VAMP3: variants seen among roughly 807,000 people sequenced by gnomAD.
The protein encoded by VAMP3 is vesicle-associated membrane protein 3.
In VAMP3, 11 loss-of-function variants were observed where a neutral mutation model predicts 18.1. That is an observed-to-expected ratio of 0.61 (90% confidence interval 0.38 to 1.00). VAMP3 has a LOEUF of 1.00. VAMP3 is among the 50% of genes least tolerant of loss of function. VAMP3 has a pLI of 0.01. For missense variants in VAMP3, 122 were observed against 127.3 expected (o/e 0.96, Z 0.20); for synonymous variants, 49 against 43.1 (o/e 1.14, Z -0.53).
At chr1:7,772,747 GGC>G (rs1347670238) in intron 1 of VAMP3, 1 of 152,420 alleles carries the variant, frequency 6.6e-6, no homozygotes, top group African/African-American at 2.4e-5. Flanking sequence ...AAATTAGCCG[GGC>G]GTGGTGGCAC....
Position 7,771,335 on chromosome 1 carries a change from T to A in VAMP3, c.-49T>A. 1.3e-6 allele frequency: 2 copies of A among 1,594,226 alleles called. No individual in the cohort carries two copies. The highest frequency in any genetic ancestry group is 8.5e-7 in the Non-Finnish European group (1 of 1,172,932). On this transcript the variant is annotated 5_prime_UTR_variant, in exon 1 of 5. Transcript: ENST00000054666. ...CCTGGCCTCCGGTCCCAACTTCGCT[T>A]CTCTGCTGACCCTCTCTCGTCGCCG...
At chr1:7,773,987 A>G (rs1268070990) in intron 2 of VAMP3, among the ~76,000 whole-genome samples, 1 of 152,202 alleles carries the variant, frequency 6.6e-6, no homozygotes, top group Non-Finnish European at 1.5e-5. Context: ...GACACACACA[A>G]AGTAGATACT....
At chr1:7,773,763 T>G (rs2097052646) in intron 2 of VAMP3, among the ~76,000 whole-genome samples, 1 of 152,230 alleles carries the variant, frequency 6.6e-6, no homozygotes, top group African/African-American at 2.4e-5. Context: ...TAAAAAATCA[T>G]ATGCCTAAAA....
chr1:7,777,336 G>T lies in VAMP3; in HGVS notation c.231+18G>T. On this transcript the variant is annotated intron_variant, in intron 3 of 4. Coordinates refer to ENST00000054666, the MANE Select transcript of VAMP3 (RefSeq NM_004781.4). ...ATTGCAAGGTAATTATCTTTTAACT[G>T]ACCTTTACATTTAACCCCCCTTCTC... is the stretch of plus-strand genomic sequence containing the variant. 6.2e-7 allele frequency: 1 copy of T among 1,603,064 alleles called. No individual in the cohort carries two copies. Among genetic ancestry groups the T allele is most frequent in the South Asian group, 1.1e-5 (1 of 89,430 alleles).
At position 7,778,154 on chromosome 1, in the gene VAMP3, A is replaced by T. The variant is rs950046548; in HGVS notation, c.268A>T (p.Ile90Phe). ...CGGGATTACTGTTCTGGTTATCTTCATCATCATCATCATCGGTGAGTTACC... is the reference window on the plus strand; with the variant it reads ...CGGGATTACTGTTCTGGTTATCTTCTTCATCATCATCATCGGTGAGTTACC... ...AIGITVLVIF[I>F]IIIIVWVVSS is the part of the protein sequence containing the mutation. The change falls in exon 4 of 5, where the codon ATC (isoleucine) becomes TTC (phenylalanine). Residue 90 changes from isoleucine to phenylalanine, a missense_variant. Coordinates refer to ENST00000054666, the MANE Select transcript of VAMP3 (RefSeq NM_004781.4). 17 of 1,604,796 alleles carry T rather than the reference A, an allele frequency of 1.1e-5. No individual in the cohort carries two copies. The South Asian group carries it at 1.9e-4, about 18-fold the overall frequency.
At chr1:7,776,974 T>G in intron 2 of VAMP3, 186 bp from the exon 3 acceptor site, 5 of 467,566 alleles carry the variant, frequency 1.1e-5, no homozygotes, top group Non-Finnish European at 1.1e-5. Context: ...TCCCGGCTGA[T>G]TTTCTTATGT....
Position 7,779,644 on chromosome 1 carries a change from G to A in VAMP3, c.302G>A (p.Ter101=). 1 of 1,614,114 alleles carries A rather than the reference G, an allele frequency of 6.2e-7. No individual in the cohort carries two copies. The highest frequency in any genetic ancestry group is 8.5e-7 in the Non-Finnish European group (1 of 1,180,006). Residue 101 remains the stop codon, a stop_retained_variant, in exon 5 of 5, where the codon TGA becomes TAA. Transcript: ENST00000054666. The part of the protein sequence containing the change: ...IIIIVWVVSS[*] ...TTCTTAGTGTGGGTTGTCTCTTCAT[G>A]AAGAACCAGCGGAACTCAAAACTGC...
chr1:7,771,421 C>T (rs773663398), intron 1 of VAMP3, 36 bp downstream of exon 1: 1 of 1,544,188 alleles, frequency 6.5e-7, no homozygotes, highest in Non-Finnish European at 8.7e-7. Flanking sequence ...GGCTTCGGGC[C>T]CCGCAGGCGG....
intron 2 of VAMP3, among the ~76,000 whole-genome samples, chr1:7,774,735 C>T (rs142926931): frequency 1.1e-3 from 173 of 152,262 alleles, no homozygotes; most frequent in Non-Finnish European, 2.1e-3. Context: ...CGTGTTGTAC[C>T]GTGTTCCTTT....
At chr1:7,776,034 G>T (rs1000310433) in intron 2 of VAMP3, among the ~76,000 whole-genome samples, 1 of 152,182 alleles carries the variant, frequency 6.6e-6, no homozygotes, top group Non-Finnish European at 1.5e-5. Context: ...CTATATGTTT[G>T]TCCTTATGCC....
chr1:7,771,354 G>C lies in VAMP3; in HGVS notation c.-30G>C, dbSNP rs756427638. 26 of 1,591,932 alleles carry C rather than the reference G, an allele frequency of 1.6e-5. No homozygotes were observed. The highest frequency in any genetic ancestry group is 9.5e-5 in the East Asian group (4 of 42,296). ...TTCGCTTCTCTGCTGACCCTCTCTC[G>C]TCGCCGCTGCCGCCGCCGCAGCTGC... On this transcript the variant is annotated 5_prime_UTR_variant, in exon 1 of 5. Coordinates refer to ENST00000054666, the MANE Select transcript of VAMP3 (RefSeq NM_004781.4).
In VAMP3 at chr1:7,781,022, CTT is replaced by C. The variant is rs2097056852; in HGVS notation, c.*1379_*1380del. ...AGGCACTGAGGGAGAAAGACACAGA[CTT>C]TATCGCTCTGTGGCTCATTGTTACT... On this transcript the variant is annotated 3_prime_UTR_variant, in exon 5 of 5. Coordinates refer to ENST00000054666, the MANE Select transcript of VAMP3 (RefSeq NM_004781.4). 1 of 152,814 alleles carries C rather than the reference CTT, an allele frequency of 6.5e-6. No homozygotes were observed. Among genetic ancestry groups the C allele is most frequent in the Admixed American group, 6.5e-5 (1 of 15,284 alleles). The allele number at this position is 152,814 out of a possible 1,614,324, so 9.5% of individuals were successfully genotyped here.
rs2097056535 is a variant in VAMP3, at chr1:7,780,435, T to TAC, written c.*790_*791insAC. 6.5e-6 allele frequency: 1 copy of TAC among 152,832 alleles called. No individual in the cohort carries two copies. The highest frequency in any genetic ancestry group is 2.4e-5 in the African/African-American group (1 of 41,456). The allele number at this position is 152,832 out of a possible 1,614,324, so 9.5% of individuals were successfully genotyped here. A position where few individuals can be genotyped will look rare whatever the true frequency, so the allele number is the denominator to read the frequency against. ...CTTCAGAATTAAAATCATTACCTTG[T>TAC]GTGTGAACCTTCTACATCTTCATAG... On this transcript the variant is annotated 3_prime_UTR_variant, in exon 5 of 5. Transcript: ENST00000054666.
rs917810811 is a variant in VAMP3, at chr1:7,771,330, T to A, written c.-54T>A. 6.3e-5 allele frequency: 101 copies of A among 1,593,144 alleles called. No individual in the cohort carries two copies. The highest frequency in any genetic ancestry group is 8.4e-5 in the Non-Finnish European group (99 of 1,172,430). ...ATCTCCCTGGCCTCCGGTCCCAACTTCGCTTCTCTGCTGACCCTCTCTCGT... is the reference window on the plus strand; with the variant it reads ...ATCTCCCTGGCCTCCGGTCCCAACTACGCTTCTCTGCTGACCCTCTCTCGT... On this transcript the variant is annotated 5_prime_UTR_variant, in exon 1 of 5. Coordinates refer to ENST00000054666, the MANE Select transcript of VAMP3 (RefSeq NM_004781.4).
Position 7,777,864 on chromosome 1 carries a change from T to C in VAMP3, c.232-254T>C, listed in dbSNP as rs544327458. Among the ~76,000 whole-genome samples, 63 of 152,348 alleles carry C rather than the reference T, an allele frequency of 4.1e-4. No individual in the cohort carries two copies. In the South Asian group the frequency reaches 0.013, roughly 31 times the overall value. On this transcript the variant is annotated intron_variant, in intron 3 of 4. Coordinates refer to ENST00000054666, the MANE Select transcript of VAMP3 (RefSeq NM_004781.4). Reference sequence around the variant, plus strand: ...GGGCAAGCTGAGCAGCCTTTCCATATGTGGAAAACTTGTATACACAAACAA... The same window carrying C: ...GGGCAAGCTGAGCAGCCTTTCCATACGTGGAAAACTTGTATACACAAACAA...
chr1:7,775,451 G>T (rs969751571), intron 2 of VAMP3, among the ~76,000 whole-genome samples: 2 of 152,042 alleles, frequency 1.3e-5, no homozygotes, highest in African/African-American at 4.8e-5. Context: ...AGGTTCAAGT[G>T]ATTCTCCTGC....
chr1:7,777,326 T>A lies in VAMP3; in HGVS notation c.231+8T>A, dbSNP rs375147991. 1 of 1,608,858 alleles carries A rather than the reference T, an allele frequency of 6.2e-7. No individual in the cohort carries two copies. The highest frequency in any genetic ancestry group is 8.5e-7 in the Non-Finnish European group (1 of 1,177,010). Reference sequence around the variant, plus strand: ...TGGTGGAAGAATTGCAAGGTAATTATCTTTTAACTGACCTTTACATTTAAC... The same window carrying A: ...TGGTGGAAGAATTGCAAGGTAATTAACTTTTAACTGACCTTTACATTTAAC... On this transcript the variant is annotated splice_region_variant and intron_variant, in intron 3 of 4. Transcript: ENST00000054666.
At position 7,777,217 on chromosome 1, in the gene VAMP3, T is replaced by C; in HGVS notation, c.130T>C (p.Ser44Pro). 1 of 1,613,934 alleles carries C rather than the reference T, an allele frequency of 6.2e-7. No homozygotes were observed. The highest frequency in any genetic ancestry group is 8.5e-7 in the Non-Finnish European group (1 of 1,179,942). ...GGTTCTGGAAAGAGACCAGAAGCTC[T>C]CTGAGTTAGACGACCGTGCAGACGC... Reference protein sequence around the residue: ...DKVLERDQKLSELDDRADALQ... With the variant: ...DKVLERDQKLPELDDRADALQ... The change falls in exon 3 of 5, where the codon TCT becomes CCT. Residue 44 changes from serine to proline, a missense_variant. Physicochemically the swap from Ser to Pro is moderately conservative, Grantham distance 74 (BLOSUM62 -1). Coordinates refer to ENST00000054666, the MANE Select transcript of VAMP3 (RefSeq NM_004781.4).
chr1:7,773,572 G>C (rs2097052534), intron 2 of VAMP3, 61 bp downstream of exon 2: 1 of 1,480,332 alleles, frequency 6.8e-7, no homozygotes, highest in Non-Finnish European at 9.3e-7. Context: ...CTGGAAATCT[G>C]TTTAGAAAAA....
Sources: gnomAD v4.1 joint callset for allele counts (sites outside exome capture counted in the v4.1 genomes callset) on GRCh38, gnomAD v4.1.1 for gene constraint, MANE v1.5 for transcripts, NCBI Gene and HGNC (gene_info 2026-07-23, HGNC 2026-07-21) for gene names.